MAGI1: variants seen among roughly 807,000 people sequenced by gnomAD.
The protein encoded by MAGI1 is membrane associated guanylate kinase, WW and PDZ domain containing 1.
In MAGI1, 58 loss-of-function variants were observed where a neutral mutation model predicts 139.9. That is an observed-to-expected ratio of 0.41 (90% CI 0.34 to 0.52). The LOEUF is 0.52. Ranked by LOEUF, MAGI1 falls within the 20% of genes least tolerant of loss-of-function variation. The pLI, the probability that MAGI1 is intolerant of heterozygous loss-of-function variation, is 0.12. For missense variants in MAGI1, 1,874 were observed against 1,901.6 expected, an observed-to-expected ratio of 0.99 and a Z score of 0.27; for synonymous variants, 812 against 737.9, an observed-to-expected ratio of 1.10 and a Z score of -1.63.
intron 1 of MAGI1, among the ~76,000 whole-genome samples, chr3:65,683,690 C>T (rs531041724): frequency 4.4e-4 from 65 of 148,396 alleles, no homozygotes; most frequent in African/African-American, 1.6e-3. Flanking sequence ...ATGGCAAGCA[C>T]ATGAAAAGAT....
At chr3:65,689,927 T>C (rs1403334959) in intron 1 of MAGI1, among the ~76,000 whole-genome samples, 1 of 152,252 alleles carries the variant, frequency 6.6e-6, no homozygotes, top group Admixed American at 6.5e-5. Context: ...ACGTGTCTGC[T>C]GCTTCTGGCC....
At chr3:65,531,177 A>C (rs1220737866) in intron 2 of MAGI1, among the ~76,000 whole-genome samples, 2 of 152,002 alleles carry the variant, frequency 1.3e-5, no homozygotes, top group Non-Finnish European at 2.9e-5. Flanking sequence ...AATCTGAAAA[A>C]AATCAACCCC....
chr3:65,752,784 G>C (rs997344043), intron 1 of MAGI1, among the ~76,000 whole-genome samples: 13 of 152,116 alleles, frequency 8.5e-5, no homozygotes, highest in Admixed American at 6.5e-4. Context: ...ATCCCACCCC[G>C]ACTTCAATCC....
intron 1 of MAGI1, among the ~76,000 whole-genome samples, chr3:65,791,568 A>C (rs1293787364): frequency 6.6e-6 from 1 of 152,216 alleles, no homozygotes; most frequent in Non-Finnish European, 1.5e-5. Context: ...GGGAGGAGAC[A>C]AAGAAAATGA....
intron 1 of MAGI1, among the ~76,000 whole-genome samples, chr3:65,813,749 A>G (rs909957212): frequency 2.0e-5 from 3 of 152,248 alleles, no homozygotes; most frequent in Admixed American, 2.0e-4. Flanking sequence ...TTAAAGTCAT[A>G]AAATGGTATT....
chr3:66,028,968 A>G (rs970192084), intron 1 of MAGI1, among the ~76,000 whole-genome samples: 15 of 152,226 alleles, frequency 9.9e-5, no homozygotes, highest in Admixed American at 1.3e-4. Flanking sequence ...ACAGAAGCCA[A>G]CATTTATTGA....
intron 1 of MAGI1, among the ~76,000 whole-genome samples, chr3:65,999,309 G>C (rs1249912575): frequency 1.3e-5 from 2 of 152,184 alleles, no homozygotes; most frequent in East Asian, 1.9e-4. Context: ...GGGATAAGGA[G>C]AGGAAAGACA....
At chr3:65,402,212 G>C (rs1944954981) in intron 12 of MAGI1, among the ~76,000 whole-genome samples, 1 of 152,036 alleles carries the variant, frequency 6.6e-6, no homozygotes, top group Admixed American at 6.6e-5. Context: ...ATGTCATTTG[G>C]GAGTGAAAAA....
chr3:65,714,964 A>C (rs2032039355), intron 1 of MAGI1, among the ~76,000 whole-genome samples: 1 of 150,008 alleles, frequency 6.7e-6, no homozygotes, highest in Admixed American at 6.6e-5. Flanking sequence ...CCACAGACAC[A>C]GGTTTAGAAT....
intron 1 of MAGI1, among the ~76,000 whole-genome samples, chr3:65,860,705 G>T (rs1336668938): frequency 6.6e-6 from 1 of 152,190 alleles, no homozygotes; most frequent in East Asian, 1.9e-4. Context: ...CCATGGGGGA[G>T]AAAGGCAGGA....
intron 1 of MAGI1, among the ~76,000 whole-genome samples, chr3:65,851,896 T>A (rs1169321481): frequency 6.6e-6 from 1 of 152,188 alleles, no homozygotes; most frequent in Admixed American, 6.6e-5. Context: ...TTAGAACATA[T>A]GCATCATAAG....
intron 1 of MAGI1, among the ~76,000 whole-genome samples, chr3:65,898,921 T>A (rs79249717): frequency 1.3e-5 from 2 of 152,280 alleles, no homozygotes; most frequent in Non-Finnish European, 2.9e-5. Flanking sequence ...TAAAGAAAAT[T>A]TAAAAAAATT....
intron 2 of MAGI1, among the ~76,000 whole-genome samples, chr3:65,527,280 G>T (rs1354337119): frequency 1.3e-5 from 2 of 152,158 alleles, no homozygotes; most frequent in African/African-American, 4.8e-5. Flanking sequence ...ACATTGTTCA[G>T]AGTTAATTAT....
At chr3:65,943,282 A>C (rs529760967) in intron 1 of MAGI1, among the ~76,000 whole-genome samples, 85 of 152,264 alleles carry the variant, frequency 5.6e-4, no homozygotes, top group South Asian at 2.3e-3. Flanking sequence ...AGAAAAAAGA[A>C]AATCATCTCA....
intron 2 of MAGI1, among the ~76,000 whole-genome samples, chr3:65,603,559 C>T (rs752121091): frequency 1.3e-5 from 2 of 152,210 alleles, no homozygotes; most frequent in African/African-American, 4.8e-5. Flanking sequence ...TTACTGCCAT[C>T]GAACAGAAAG....
At chr3:65,979,655 GA>G (rs1232849090) in intron 1 of MAGI1, among the ~76,000 whole-genome samples, 1 of 152,148 alleles carries the variant, frequency 6.6e-6, no homozygotes, top group Non-Finnish European at 1.5e-5. Flanking sequence ...GTCAGGATCA[GA>G]AACTGGGAAC....
chr3:65,426,124 C>G (rs1947027020), intron 12 of MAGI1, among the ~76,000 whole-genome samples: 1 of 151,992 alleles, frequency 6.6e-6, no homozygotes, highest in Non-Finnish European at 1.5e-5. Flanking sequence ...CTTTAAAAAC[C>G]TGAGTGATCG....
chr3:65,829,799 T>C (rs2042430018), intron 1 of MAGI1, among the ~76,000 whole-genome samples: 2 of 152,350 alleles, frequency 1.3e-5, no homozygotes, highest in Admixed American at 6.5e-5. Context: ...CAGACTATTC[T>C]GAAAGCCAAA....
intron 1 of MAGI1, among the ~76,000 whole-genome samples, chr3:65,695,899 C>T (rs762092969): frequency 1.6e-4 from 25 of 152,154 alleles, no homozygotes; most frequent in Non-Finnish European, 3.4e-4. Flanking sequence ...TCACTCTTTA[C>T]TCATCCTACA....
Sources: gnomAD v4.1 joint callset for allele counts (sites outside exome capture counted in the v4.1 genomes callset) on GRCh38, gnomAD v4.1.1 for gene constraint, MANE v1.5 for transcripts, NCBI Gene and HGNC (gene_info 2026-07-23, HGNC 2026-07-21) for gene names.